ZBTB16: variants seen among roughly 807,000 people sequenced by gnomAD.
ZBTB16 encodes zinc finger and BTB domain-containing protein 16.
A neutral mutation model predicts 56.8 loss-of-function variants in ZBTB16; 8 were observed. The ratio of observed to expected loss-of-function variants is 0.14; its 90% CI spans 0.08 to 0.25. The LOEUF (loss-of-function observed/expected upper bound fraction) is 0.25. Among genes scored for constraint, ZBTB16 ranks in the 10% least tolerant of loss-of-function variants. The pLI is 1.00. For missense variants in ZBTB16, 625 were observed against 903.0 expected, an observed-to-expected ratio of 0.69 and a Z score of 3.95; for synonymous variants, 363 against 368.5, an observed-to-expected ratio of 0.98 and a Z score of 0.17.
In ZBTB16 at chr11:114,251,544, G is replaced by T. The variant is rs1944917091; in HGVS notation, c.*989G>T. Among the ~76,000 whole-genome samples, 1 of 152,224 alleles carries T rather than the reference G, an allele frequency of 6.6e-6. No individual in the cohort carries two copies. The highest frequency in any genetic ancestry group is 1.5e-5 in the Non-Finnish European group (1 of 68,040). Reference sequence around the variant, plus strand: ...GAATGGGCTGAGGTTCCGAGGGTAGGTTGTGGATGTCTTTCTCTAGAGGGG... The same window carrying T: ...GAATGGGCTGAGGTTCCGAGGGTAGTTTGTGGATGTCTTTCTCTAGAGGGG... On this transcript the variant is annotated 3_prime_UTR_variant, in exon 7 of 7. Transcript: ENST00000335953.
intron 2 of ZBTB16, among the ~76,000 whole-genome samples, chr11:114,113,502 T>C (rs192779783): frequency 8.5e-5 from 13 of 152,342 alleles, no homozygotes; most frequent in African/African-American, 2.9e-4. Flanking sequence ...AATCATGACC[T>C]ATTCCCAAAG....
chr11:114,093,639 T>TG (rs1159241514), intron 2 of ZBTB16, among the ~76,000 whole-genome samples: 1 of 152,228 alleles, frequency 6.6e-6, no homozygotes, highest in Non-Finnish European at 1.5e-5. Flanking sequence ...TCTTGGCTCT[T>TG]GTGCCACTTC....
rs190338491 is a variant in ZBTB16, at chr11:114,068,278, C to T, written c.1268+3710C>T. Among the ~76,000 whole-genome samples the T allele has an allele frequency of 4.7e-3, 709 of 152,120 alleles. 11 individuals carry two copies. The highest frequency in any genetic ancestry group is 4.4e-3 in the Non-Finnish European group (297 of 68,008). ...GAAGGGAATGGAGAGGAAATGAAGG[C>T]GGATTGCTGGTAAGTGAGGCAGGAA... On this transcript the variant is annotated intron_variant, in intron 2 of 6. Coordinates refer to ENST00000335953, the MANE Select transcript of ZBTB16 (RefSeq NM_006006.6).
chr11:114,129,579 CCTTTTTCTT>C (rs1412187515), intron 2 of ZBTB16, among the ~76,000 whole-genome samples: 1 of 152,216 alleles, frequency 6.6e-6, no homozygotes, highest in Non-Finnish European at 1.5e-5. Flanking sequence ...GCCCTCCGCC[CCTTTTTCTT>C]CTTCCTCCCT....
At chr11:114,222,728 G>C (rs1183127444) in intron 4 of ZBTB16, among the ~76,000 whole-genome samples, 1 of 152,204 alleles carries the variant, frequency 6.6e-6, no homozygotes, top group African/African-American at 2.4e-5. Context: ...TGATTTCTGA[G>C]CATGCTAGTG....
chr11:114,119,590 A>T (rs1941284845), intron 2 of ZBTB16, among the ~76,000 whole-genome samples: 1 of 152,166 alleles, frequency 6.6e-6, no homozygotes, highest in South Asian at 2.1e-4. Context: ...AGAGAAGTTT[A>T]GAGTTGGTGG....
rs764019607 is a variant in ZBTB16 at position 114,059,943 on chromosome 11, G to C, written c.-91+61G>C. 7.6e-6 allele frequency: 3 copies of C among 395,038 alleles called. No individual in the cohort carries two copies. Among genetic ancestry groups the C allele is most frequent in the Non-Finnish European group, 1.3e-5 (3 of 224,166 alleles). 24.5% of individuals were successfully genotyped at this position (395,038 alleles called of 1,614,324 possible). The stretch of plus-strand genomic sequence containing the variant: ...CGAGCGCCGCGCGCCGGGGCTTCCC[G>C]GGGCTGGAGAGGTCTGGGGGGCGCG... On this transcript the variant is annotated intron_variant, in intron 1 of 6. Coordinates refer to ENST00000335953, the MANE Select transcript of ZBTB16 (RefSeq NM_006006.6). This position sits in a 1 kb window ranked among gnomAD's most constrained non-coding sequence, Gnocchi z 5.3.
At chr11:114,199,855 A>G (rs943222767) in intron 4 of ZBTB16, among the ~76,000 whole-genome samples, 2 of 152,150 alleles carry the variant, frequency 1.3e-5, no homozygotes, top group African/African-American at 2.4e-5. Context: ...GGGGCCGGGC[A>G]CGGTGGCTCA....
chr11:114,249,615 AT>A (rs1201376573), intron 6 of ZBTB16, among the ~76,000 whole-genome samples: 1 of 145,120 alleles, frequency 6.9e-6, no homozygotes, highest in East Asian at 2.0e-4. Flanking sequence ...AATACAAAAA[AT>A]TAGCCGGGCG....
At chr11:114,180,313 G>T (rs1050206502) in intron 3 of ZBTB16, among the ~76,000 whole-genome samples, 2 of 152,158 alleles carry the variant, frequency 1.3e-5, no homozygotes, top group South Asian at 2.1e-4. Flanking sequence ...AAGGATGTCC[G>T]CCTGTCTCTT....
At chr11:114,236,356 C>T (rs1019876122) in intron 4 of ZBTB16, among the ~76,000 whole-genome samples, 1 of 152,210 alleles carries the variant, frequency 6.6e-6, no homozygotes, top group Non-Finnish European at 1.5e-5. Context: ...GGACTAGGAT[C>T]ACAAATCCAA....
At chr11:114,076,297 A>G (rs1371359440) in intron 2 of ZBTB16, among the ~76,000 whole-genome samples, 3 of 152,208 alleles carry the variant, frequency 2.0e-5, no homozygotes, top group Non-Finnish European at 4.4e-5. Context: ...GCAAAGCCGA[A>G]GGACTAGAGT....
At chr11:114,233,493 C>T (rs1944501418) in intron 4 of ZBTB16, among the ~76,000 whole-genome samples, 1 of 151,956 alleles carries the variant, frequency 6.6e-6, no homozygotes, top group East Asian at 1.9e-4. Context: ...GGCAACGCAG[C>T]GTAGGAGGTA....
chr11:114,184,420 C>T (rs2519196), intron 3 of ZBTB16, among the ~76,000 whole-genome samples: 60,605 of 152,068 alleles, frequency 0.4, 12,315 homozygotes, highest in East Asian at 0.47. Context: ...ACCCCAAAGC[C>T]CTGATGTGTA....
chr11:114,149,209 A>T lies in ZBTB16; in HGVS notation c.1269-7128A>T, dbSNP rs76180783. On this transcript the variant is annotated intron_variant, in intron 2 of 6. Coordinates refer to ENST00000335953, the MANE Select transcript of ZBTB16 (RefSeq NM_006006.6). ...GAGGTGTCAAGTGAAATCTAGAGAAACTAAGTAGTTTGGCCAAGGTTATTT... is the reference window on the plus strand; with the variant it reads ...GAGGTGTCAAGTGAAATCTAGAGAATCTAAGTAGTTTGGCCAAGGTTATTT... Among the ~76,000 whole-genome samples the T allele has an allele frequency of 4.6e-5, 7 of 152,246 alleles. No homozygotes were observed. In the East Asian group the frequency reaches 1.4e-3, roughly 29 times the overall value.
chr11:114,189,682 C>T (rs1374827974), intron 4 of ZBTB16: 2 of 151,292 alleles, frequency 1.3e-5, no homozygotes, highest in African/African-American at 4.9e-5. Flanking sequence ...AGGAGAATCA[C>T]TTGAACCAGG....
At chr11:114,211,470 A>G (rs2135130401) in intron 4 of ZBTB16, among the ~76,000 whole-genome samples, 1 of 152,336 alleles carries the variant, frequency 6.6e-6, no homozygotes. Flanking sequence ...TTGAGGATAG[A>G]TAACAGGATA....
At chr11:114,201,452 T>C (rs1420981169) in intron 4 of ZBTB16, among the ~76,000 whole-genome samples, 1 of 152,180 alleles carries the variant, frequency 6.6e-6, no homozygotes, top group East Asian at 1.9e-4. Context: ...GGGCCTGTTA[T>C]CAGCAGGCCC....
At chr11:114,184,563 C>T (rs1179687115) in intron 3 of ZBTB16, among the ~76,000 whole-genome samples, 1 of 152,200 alleles carries the variant, frequency 6.6e-6, no homozygotes, top group African/African-American at 2.4e-5. Flanking sequence ...AAATCAGGCT[C>T]TGAAATCAGG....
Sources: allele counts gnomAD v4.1 joint callset (sites outside exome capture counted in the v4.1 genomes callset), GRCh38; gene constraint gnomAD v4.1.1; non-coding constraint Gnocchi (gnomAD v3.1); transcripts MANE v1.5; gene names NCBI Gene and HGNC (gene_info 2026-07-23, HGNC 2026-07-21).